The following RPF2 variants were observed in gnomAD, a reference collection of about 807,000 sequenced individuals.
RPF2 encodes the protein ribosome production factor 2 homolog.
RPF2 carries 21 observed loss-of-function variants against 38.9 expected under a neutral mutation model. That is an observed-to-expected ratio of 0.54 (90% CI 0.38 to 0.78). The LOEUF (loss-of-function observed/expected upper bound fraction) is 0.78, where lower values mean the gene tolerates loss of function less well. RPF2 is among the 30% of genes least tolerant of loss of function. RPF2 has a pLI of 0.00. For synonymous variants in RPF2, 121 were observed against 126.2 expected (o/e 0.96, Z 0.28); for missense variants, 314 against 358.1 (o/e 0.88, Z 0.99).
At chr6:110,995,682 C>T (rs3904925) in intron 4 of RPF2, among the ~76,000 whole-genome samples, 13,814 of 152,088 alleles carry the variant, frequency 0.091, 702 homozygotes, top group Middle Eastern at 0.13. Flanking sequence ...TCAAAGCATG[C>T]GGGATGTGGA....
At chr6:111,014,333 T>C (rs146315419) in intron 7 of RPF2, among the ~76,000 whole-genome samples, 14 of 152,170 alleles carry the variant, frequency 9.2e-5, no homozygotes, top group South Asian at 2.1e-4. Context: ...AGGGTTTCAC[T>C]GTGTTAGCCC....
chr6:111,017,117 A>G (rs1020221549), intron 8 of RPF2, among the ~76,000 whole-genome samples: 7 of 152,318 alleles, frequency 4.6e-5, no homozygotes, highest in Non-Finnish European at 1.0e-4. Flanking sequence ...TGATTTCTCT[A>G]TCTTTTCCCC....
chr6:111,007,333 G>A (rs918170766), intron 6 of RPF2, among the ~76,000 whole-genome samples: 4 of 152,130 alleles, frequency 2.6e-5, no homozygotes, highest in Non-Finnish European at 5.9e-5. Flanking sequence ...TGTTAAAAAA[G>A]CCCTTTACAT....
intron 9 of RPF2, among the ~76,000 whole-genome samples, chr6:111,025,023 C>T (rs546905720): frequency 6.6e-6 from 1 of 152,180 alleles, no homozygotes; most frequent in Non-Finnish European, 1.5e-5. Flanking sequence ...GAAATGTAAT[C>T]TCTAAAATGC....
chr6:111,015,767 C>A lies in RPF2; in HGVS notation c.507C>A (p.Gly169=), dbSNP rs1286976978. ...ATGTGCTTTTAGATTTCTTCAGAGG[C>A]CCCACAGTATCAAATATCCGCCTGG... ...LKSLLIDFFR[G]PTVSNIRLAG... The change falls in exon 8 of 10, where the codon GGC becomes GGA. Residue 169 remains glycine, a synonymous_variant. Transcript: ENST00000441448. The A allele has an allele frequency of 3.7e-6, 6 of 1,605,570 alleles. No individual in the cohort carries two copies. The highest frequency in any genetic ancestry group is 3.3e-5 in the Admixed American group (2 of 59,980).
intron 7 of RPF2, among the ~76,000 whole-genome samples, chr6:111,014,148 T>C (rs76811302): frequency 1.7e-5 from 2 of 116,326 alleles, no homozygotes. Context: ...TGGGTTTTTT[T>C]TTTTTTGAGA....
At chr6:111,015,173 A>T (rs1429010517) in intron 7 of RPF2, among the ~76,000 whole-genome samples, 1 of 152,250 alleles carries the variant, frequency 6.6e-6, no homozygotes, top group Admixed American at 6.5e-5. Flanking sequence ...CTGGCTTTGT[A>T]TCATTAAAAT....
chr6:111,023,792 C>T lies in RPF2; in HGVS notation c.597-391C>T, dbSNP rs549189448. On this transcript the variant is annotated intron_variant, in intron 8 of 9. Transcript: ENST00000441448. ...CATGAGGTCAGGAGAGCGAGACCAT[C>T]CTGGCTAACACGGTGAAACCCCATC... Among the ~76,000 whole-genome samples the T allele has an allele frequency of 8.5e-5, 13 of 152,142 alleles. No individual in the cohort carries two copies. The South Asian group carries it at 2.7e-3, about 32-fold the overall frequency.
At chr6:110,995,364 A>G (rs1771693491) in intron 4 of RPF2, among the ~76,000 whole-genome samples, 1 of 152,186 alleles carries the variant, frequency 6.6e-6, no homozygotes, top group Non-Finnish European at 1.5e-5. Context: ...TTATTTGTCC[A>G]GATATTTAGT....
chr6:111,012,433 A>G (rs778086837), intron 7 of RPF2, among the ~76,000 whole-genome samples: 3 of 151,994 alleles, frequency 2.0e-5, no homozygotes, highest in Non-Finnish European at 4.4e-5. Context: ...CAGCCTCCCA[A>G]AGTTGGAGGT....
intron 7 of RPF2, among the ~76,000 whole-genome samples, chr6:111,010,128 CTT>C (rs201363141): frequency 0.13 from 17,450 of 130,556 alleles, 1,019 homozygotes; most frequent in East Asian, 0.46. Context: ...TTTTTTTTTT[CTT>C]TTTTTTTTTT....
intron 2 of RPF2, among the ~76,000 whole-genome samples, chr6:110,985,925 G>C (rs1000648908): frequency 3.7e-5 from 5 of 135,198 alleles, no homozygotes; most frequent in Admixed American, 2.2e-4. Flanking sequence ...GACAGAGAGA[G>C]ACTCCATTTC....
chr6:110,989,855 T>G (rs549549232), intron 3 of RPF2, among the ~76,000 whole-genome samples: 70 of 152,176 alleles, frequency 4.6e-4, no homozygotes, highest in Non-Finnish European at 5.4e-4. Context: ...ACTTCTGACT[T>G]TAGGTGATCT....
In RPF2 at chr6:110,990,687, C is replaced by T. The variant is rs1201317225; in HGVS notation, c.195-1060C>T. On this transcript the variant is annotated intron_variant, in intron 3 of 9. Transcript: ENST00000441448. ...ACAACCTCTGGCTCCTGGGTTCAAG[C>T]GATTCTCCTGCCTCAGCCTCCTGAG... Among the ~76,000 whole-genome samples the T allele has an allele frequency of 2.0e-5, 3 of 151,386 alleles. No homozygotes were observed. The Admixed American group carries it at 2.0e-4, about 10-fold the overall frequency.
chr6:110,997,307 A>G, intron 5 of RPF2, 43 bp downstream of exon 5: 1 of 1,187,162 alleles, frequency 8.4e-7, no homozygotes, highest in Non-Finnish European at 1.2e-6. Context: ...GATAGAGTCA[A>G]TTTGTTAGCA....
chr6:111,006,928 C>T (rs923781182), intron 6 of RPF2, among the ~76,000 whole-genome samples: 2 of 152,142 alleles, frequency 1.3e-5, no homozygotes, highest in African/African-American at 4.8e-5. Context: ...ACAAAATTAG[C>T]CAGGCGTGGT....
At chr6:111,003,172 T>C (rs1771843005) in intron 6 of RPF2, among the ~76,000 whole-genome samples, 1 of 152,076 alleles carries the variant, frequency 6.6e-6, no homozygotes, top group Non-Finnish European at 1.5e-5. Context: ...TAATTTGTTT[T>C]GGTACACTTT....
At chr6:111,003,082 C>T (rs770530444) in intron 6 of RPF2, among the ~76,000 whole-genome samples, 14 of 120,160 alleles carry the variant, frequency 1.2e-4, no homozygotes, top group African/African-American at 3.7e-4. Flanking sequence ...ATTTTTTACC[C>T]CCCCCCCTTT....
At chr6:111,001,663 A>G (rs1473575364) in intron 6 of RPF2, among the ~76,000 whole-genome samples, 1 of 152,040 alleles carries the variant, frequency 6.6e-6, no homozygotes, top group African/African-American at 2.4e-5. Context: ...TGTCATTATT[A>G]TAGTGTCTCT....
Sources: allele counts gnomAD v4.1 joint callset (sites outside exome capture counted in the v4.1 genomes callset), GRCh38; gene constraint gnomAD v4.1.1; transcripts MANE v1.5; gene names NCBI Gene and HGNC (gene_info 2026-07-23, HGNC 2026-07-21).